Variants in MACROD2 observed in about 807,000 individuals in gnomAD.
MACROD2 encodes ADP-ribose glycohydrolase MACROD2.
MACROD2 carries 36 observed loss-of-function variants against 70.4 expected under a neutral mutation model. The ratio of observed to expected loss-of-function variants is 0.51; its 90% CI spans 0.39 to 0.68. The LOEUF (loss-of-function observed/expected upper bound fraction) is 0.68, where lower values mean the gene tolerates loss of function less well. MACROD2 is among the 30% of genes least tolerant of loss of function. MACROD2 has a pLI of 0.00. For synonymous variants in MACROD2, 172 were observed against 178.8 expected, an observed-to-expected ratio of 0.96 and a Z score of 0.30; for missense variants, 496 against 538.4, an observed-to-expected ratio of 0.92 and a Z score of 0.78.
At chr20:14,505,607 G>C (rs2084960045) in intron 4 of MACROD2, among the ~76,000 whole-genome samples, 2 of 152,188 alleles carry the variant, frequency 1.3e-5, no homozygotes, top group Non-Finnish European at 2.9e-5. Flanking sequence ...ATATGCATCA[G>C]AATTGCTTGG....
At chr20:14,367,716 A>G (rs1303570651) in intron 3 of MACROD2, among the ~76,000 whole-genome samples, 42 of 152,082 alleles carry the variant, frequency 2.8e-4, no homozygotes, top group Admixed American at 2.8e-3. Flanking sequence ...CTTGGTTTCC[A>G]GTCATTTGAT....
At chr20:14,245,787 A>G (rs1368729346) in intron 3 of MACROD2, among the ~76,000 whole-genome samples, 1 of 152,112 alleles carries the variant, frequency 6.6e-6, no homozygotes. Flanking sequence ...CTCTACCCCT[A>G]AAGCATGCAG....
intron 5 of MACROD2, among the ~76,000 whole-genome samples, chr20:14,963,414 C>T (rs1289090262): frequency 3.9e-5 from 6 of 152,032 alleles, no homozygotes; most frequent in East Asian, 1.9e-4. Context: ...GACAATGGGA[C>T]GCTTGGGTTT....
chr20:14,251,532 A>G (rs2082012115), intron 3 of MACROD2, among the ~76,000 whole-genome samples: 1 of 152,104 alleles, frequency 6.6e-6, no homozygotes, highest in African/African-American at 2.4e-5. Flanking sequence ...GTCAATTATA[A>G]TATTTCTACA....
intron 9 of MACROD2, among the ~76,000 whole-genome samples, chr20:15,871,793 G>A (rs540172659): frequency 1.6e-4 from 24 of 152,288 alleles, no homozygotes; most frequent in African/African-American, 5.3e-4. Flanking sequence ...AGTTTGTGAA[G>A]CCCTGACTGA....
intron 3 of MACROD2, among the ~76,000 whole-genome samples, chr20:14,421,286 A>G (rs2083873719): frequency 6.6e-6 from 1 of 152,220 alleles, no homozygotes; most frequent in Non-Finnish European, 1.5e-5. Context: ...GAAGGAATGA[A>G]GTTAATTCTT....
Position 13,995,864 on chromosome 20 carries a change from G to A in MACROD2, c.46+55G>A. The A allele has an allele frequency of 2.0e-6, 3 of 1,483,058 alleles. No individual in the cohort carries two copies. Among genetic ancestry groups the A allele is most frequent in the Non-Finnish European group, 1.8e-6 (2 of 1,087,978 alleles). 91.9% of individuals were successfully genotyped at this position (1,483,058 alleles called of 1,614,324 possible). On this transcript the variant is annotated intron_variant, in intron 1 of 17. Transcript: ENST00000684519. This position sits in a 1 kb window ranked among gnomAD's most constrained non-coding sequence, Gnocchi z 4.3. ...GGGCGGTGGGGGTTAGGGTGGGGGC[G>A]GGGGTCAGGCTGTGTGTGCCGCGGC...
intron 8 of MACROD2, among the ~76,000 whole-genome samples, chr20:15,635,005 A>G (rs2049342714): frequency 6.6e-6 from 1 of 152,214 alleles, no homozygotes. Flanking sequence ...TGTGGCAGCA[A>G]CAGCAATGCC....
At chr20:15,910,160 G>A (rs1206266250) in intron 10 of MACROD2, among the ~76,000 whole-genome samples, 1 of 152,148 alleles carries the variant, frequency 6.6e-6, no homozygotes, top group Non-Finnish European at 1.5e-5. Context: ...CCTGTTTAAA[G>A]TCACTTTCTC....
intron 4 of MACROD2, among the ~76,000 whole-genome samples, chr20:14,615,566 C>T (rs1983431014): frequency 6.6e-6 from 1 of 151,924 alleles, no homozygotes; most frequent in East Asian, 1.9e-4. Flanking sequence ...GTATAGGAAA[C>T]AATAGAGGTA....
At chr20:14,957,088 C>T (rs956060261) in intron 5 of MACROD2, among the ~76,000 whole-genome samples, 3 of 152,022 alleles carry the variant, frequency 2.0e-5, no homozygotes, top group Non-Finnish European at 4.4e-5. Flanking sequence ...ATTAAAAACA[C>T]ATTATCAATG....
intron 6 of MACROD2, among the ~76,000 whole-genome samples, chr20:15,330,441 G>A (rs987238371): frequency 6.6e-6 from 1 of 151,490 alleles, no homozygotes; most frequent in Non-Finnish European, 1.5e-5. Context: ...GGAAAATGCA[G>A]AAGGGCCTCT....
chr20:15,358,680 C>G (rs2078317078), intron 6 of MACROD2, among the ~76,000 whole-genome samples: 1 of 152,164 alleles, frequency 6.6e-6, no homozygotes, highest in African/African-American at 2.4e-5. Context: ...AAACAACATT[C>G]ATTTCTCACA....
In MACROD2 at chr20:13,995,574, G is replaced by T; in HGVS notation, c.-190G>T. The T allele has an allele frequency of 1.5e-6, 1 of 669,068 alleles. No homozygotes were observed. Among genetic ancestry groups the T allele is most frequent in the South Asian group, 1.7e-5 (1 of 58,212 alleles). 41.4% of individuals were successfully genotyped at this position (669,068 alleles called of 1,614,324 possible). ...GCGGGGCTGAGGCGGGTGGGAGCCG[G>T]AGCCGAGCGCGGGCTGAGGGAGGAG... is the stretch of plus-strand genomic sequence containing the variant. On this transcript the variant is annotated 5_prime_UTR_variant, in exon 1 of 18. Transcript: ENST00000684519. The surrounding 1 kb of genome is among the most constrained non-coding windows in gnomAD (Gnocchi z 4.3).
chr20:14,875,432 C>T (rs1489513272), intron 5 of MACROD2, among the ~76,000 whole-genome samples: 1 of 152,090 alleles, frequency 6.6e-6, no homozygotes. Flanking sequence ...TTTATGCATC[C>T]ACTTTATTTT....
intron 15 of MACROD2, among the ~76,000 whole-genome samples, chr20:16,021,132 T>G (rs993456607): frequency 1.3e-5 from 2 of 152,142 alleles, no homozygotes; most frequent in Non-Finnish European, 2.9e-5. Context: ...ATATTCACCT[T>G]AAAAATATGA....
chr20:15,725,473 G>GT (rs919081850), intron 8 of MACROD2, among the ~76,000 whole-genome samples: 3 of 151,996 alleles, frequency 2.0e-5, no homozygotes, highest in African/African-American at 7.2e-5. Context: ...AGTTCTAGGG[G>GT]TTTTTTTGTT....
At chr20:14,667,807 T>C (rs2070751750) in intron 4 of MACROD2, among the ~76,000 whole-genome samples, 1 of 152,168 alleles carries the variant, frequency 6.6e-6, no homozygotes, top group Non-Finnish European at 1.5e-5. Flanking sequence ...CTATAGCCAC[T>C]GCCACTCATT....
chr20:15,079,419 A>G (rs1026820085), intron 5 of MACROD2, among the ~76,000 whole-genome samples: 1 of 151,808 alleles, frequency 6.6e-6, no homozygotes. Context: ...ACTCTTTTTG[A>G]TCTTGCCATT....
Sources: allele counts gnomAD v4.1 joint callset (sites outside exome capture counted in the v4.1 genomes callset), GRCh38; gene constraint gnomAD v4.1.1; non-coding constraint Gnocchi (gnomAD v3.1); transcripts MANE v1.5; gene names NCBI Gene and HGNC (gene_info 2026-07-23, HGNC 2026-07-21).